Variants in ULK4 observed in about 807,000 individuals in gnomAD.
ULK4 encodes the protein inactive serine/threonine-protein kinase ULK4.
In ULK4, 133 loss-of-function variants were observed where a neutral mutation model predicts 160.6. That is an observed-to-expected ratio of 0.83 (90% confidence interval 0.72 to 0.96). The LOEUF (loss-of-function observed/expected upper bound fraction) is 0.96. ULK4 is among the 40% of genes least tolerant of loss of function. The pLI is 0.00. For missense variants in ULK4, 1,580 were observed against 1,499.5 expected, an observed-to-expected ratio of 1.05 and a Z score of -0.89; for synonymous variants, 534 against 539.8, an observed-to-expected ratio of 0.99 and a Z score of 0.15.
chr3:41,616,017 G>C (rs955310421), intron 30 of ULK4, among the ~76,000 whole-genome samples: 1 of 152,070 alleles, frequency 6.6e-6, no homozygotes, highest in Non-Finnish European at 1.5e-5. Flanking sequence ...TATCAAAATA[G>C]GTAATATCAG....
chr3:41,457,878 T>C (rs2083591188), intron 33 of ULK4, among the ~76,000 whole-genome samples: 1 of 152,192 alleles, frequency 6.6e-6, no homozygotes, highest in Non-Finnish European at 1.5e-5. Flanking sequence ...CTAGCTGTTA[T>C]AACCCAGGCG....
chr3:41,793,090 T>A (rs928856119), intron 20 of ULK4, among the ~76,000 whole-genome samples: 1 of 152,030 alleles, frequency 6.6e-6, no homozygotes, highest in South Asian at 2.1e-4. Flanking sequence ...GGAGAATTAC[T>A]TGAAACCAGA....
At chr3:41,490,072 T>C (rs1298171880) in intron 32 of ULK4, among the ~76,000 whole-genome samples, 2 of 152,192 alleles carry the variant, frequency 1.3e-5, no homozygotes, top group South Asian at 2.1e-4. Context: ...GTCCTGACTG[T>C]GCCCCTTTTG....
At chr3:41,902,588 G>GAAAAAAAAAAAAAAAAAAAAAAAA (rs537842940) in intron 12 of ULK4, among the ~76,000 whole-genome samples, 1 of 94,764 alleles carries the variant, frequency 1.1e-5, no homozygotes, top group Non-Finnish European at 2.2e-5. Flanking sequence ...AAAAAAAAAA[G>GAAAAAAAAAAAAAAAAAAAAAAAA]AAAAAAAAAA....
intron 30 of ULK4, among the ~76,000 whole-genome samples, chr3:41,652,536 A>T (rs760300414): frequency 1.3e-5 from 2 of 152,218 alleles, no homozygotes; most frequent in Non-Finnish European, 2.9e-5. Flanking sequence ...ATAAGCCAGA[A>T]CAGGGCTCAA....
intron 21 of ULK4, among the ~76,000 whole-genome samples, chr3:41,783,029 C>CA (rs78538200): frequency 0.2 from 23,669 of 115,480 alleles, 4,873 homozygotes; most frequent in African/African-American, 0.53. Context: ...CAATTTCTAC[C>CA]AAAAAAAAAA....
At chr3:41,341,835 T>C (rs2080692407) in intron 35 of ULK4, among the ~76,000 whole-genome samples, 1 of 152,086 alleles carries the variant, frequency 6.6e-6, no homozygotes, top group African/African-American at 2.4e-5. Flanking sequence ...GCAACACAAA[T>C]AGTCAAATGA....
At chr3:41,500,101 A>G (rs1273078009) in intron 32 of ULK4, among the ~76,000 whole-genome samples, 1 of 150,490 alleles carries the variant, frequency 6.6e-6, no homozygotes. Flanking sequence ...AGTTTTTTCC[A>G]TTTTATCAGT....
At chr3:41,641,099 T>C (rs1157660725) in intron 30 of ULK4, among the ~76,000 whole-genome samples, 1 of 152,204 alleles carries the variant, frequency 6.6e-6, no homozygotes, top group Admixed American at 6.5e-5. Flanking sequence ...AGATTCAGAC[T>C]GCAGCCACTA....
At position 41,291,811 on chromosome 3, in the gene ULK4, G is replaced by T. The variant is rs4973872; in HGVS notation, c.3679-42237C>A. On this transcript the variant is annotated intron_variant, in intron 35 of 36. Transcript: ENST00000301831. ...TATTTTGCTTATGAACATTCATCACGTGGTCACTTGTGATGTTCTTTTTTT... is the reference window on the plus strand; with the variant it reads ...TATTTTGCTTATGAACATTCATCACTTGGTCACTTGTGATGTTCTTTTTTT... Among the ~76,000 whole-genome samples, 754 of 151,044 alleles carry T rather than the reference G, an allele frequency of 5.0e-3. 21 individuals are homozygous for T. Among genetic ancestry groups the T allele is most frequent in the Admixed American group, 0.041 (625 of 15,174 alleles).
chr3:41,683,607 T>A (rs2035994878), intron 27 of ULK4, among the ~76,000 whole-genome samples: 1 of 151,382 alleles, frequency 6.6e-6, no homozygotes, highest in South Asian at 2.1e-4. Context: ...ATTTGTTGGG[T>A]CTTTCTTTTT....
chr3:41,696,380 T>C (rs1018478400), intron 27 of ULK4, among the ~76,000 whole-genome samples: 6 of 152,160 alleles, frequency 3.9e-5, no homozygotes, highest in African/African-American at 7.2e-5. Context: ...TCCCTCTCTC[T>C]CTCTGCCTTG....
intron 17 of ULK4, among the ~76,000 whole-genome samples, chr3:41,871,046 G>A (rs1697071875): frequency 6.6e-6 from 1 of 152,112 alleles, no homozygotes; most frequent in Non-Finnish European, 1.5e-5. Flanking sequence ...GTAAAGAGGT[G>A]CCTTCTGCCA....
At chr3:41,881,827 T>C (rs1697533387) in intron 17 of ULK4, among the ~76,000 whole-genome samples, 1 of 152,174 alleles carries the variant, frequency 6.6e-6, no homozygotes. Context: ...CACCCTTTCC[T>C]CTCAGTTGAG....
At chr3:41,577,509 T>C (rs2088232031) in intron 31 of ULK4, among the ~76,000 whole-genome samples, 1 of 152,132 alleles carries the variant, frequency 6.6e-6, no homozygotes. Context: ...TATTTTAAAA[T>C]GTACAATTAT....
At chr3:41,906,428 C>G (rs1698564155) in intron 12 of ULK4, among the ~76,000 whole-genome samples, 1 of 152,020 alleles carries the variant, frequency 6.6e-6, no homozygotes, top group Non-Finnish European at 1.5e-5. Context: ...ACTTGGCAGA[C>G]TAAGGCAGGA....
At chr3:41,489,865 A>C (rs898179611) in intron 32 of ULK4, among the ~76,000 whole-genome samples, 1 of 152,178 alleles carries the variant, frequency 6.6e-6, no homozygotes, top group African/African-American at 2.4e-5. Flanking sequence ...TAATACACAC[A>C]GGGTATGACT....
At chr3:41,705,372 T>A in intron 25 of ULK4, 67 bp from the exon 26 acceptor site, 1 of 1,309,152 alleles carries the variant, frequency 7.6e-7, no homozygotes, top group Non-Finnish European at 1.1e-6. Context: ...ATAGGTAGTT[T>A]ACATTTTGCC....
chr3:41,348,206 C>CAGAAAAAA (rs2080840092), intron 35 of ULK4, among the ~76,000 whole-genome samples: 5 of 22,958 alleles, frequency 2.2e-4, no homozygotes, highest in African/African-American at 8.6e-4. Context: ...AACTCTGTCT[C>CAGAAAAAA]AAAAAAAAAA....
Sources: gnomAD v4.1 joint callset for allele counts (sites outside exome capture counted in the v4.1 genomes callset) on GRCh38, gnomAD v4.1.1 for gene constraint, MANE v1.5 for transcripts, NCBI Gene and HGNC (gene_info 2026-07-23, HGNC 2026-07-21) for gene names.